Variants in CDC20B observed in about 807,000 individuals in gnomAD.
The protein encoded by CDC20B is cell division cycle protein 20 homolog B.
A neutral mutation model predicts 64.1 loss-of-function variants in CDC20B; 58 were observed. The observed-to-expected ratio is 0.90, with a 90% CI of 0.73 to 1.13. The LOEUF (loss-of-function observed/expected upper bound fraction) is 1.13. Ranked by LOEUF, CDC20B falls within the 50% of genes most tolerant of loss-of-function variation. The pLI, the probability that CDC20B is intolerant of heterozygous loss-of-function variation, is 0.00. For missense variants in CDC20B, 597 were observed against 633.0 expected, an observed-to-expected ratio of 0.94 and a Z score of 0.61; for synonymous variants, 243 against 230.6, an observed-to-expected ratio of 1.05 and a Z score of -0.49.
chr5:55,170,778 T>G (rs1262473972), intron 2 of CDC20B: 3 of 500,490 alleles, frequency 6.0e-6, no homozygotes, highest in Non-Finnish European at 1.3e-5. Flanking sequence ...TCACTGAGGC[T>G]AAATTTGTAA....
Position 55,119,914 on chromosome 5 carries a change from C to T in CDC20B, c.1346G>A (p.Cys449Tyr). 11 of 1,595,050 alleles carry T rather than the reference C, an allele frequency of 6.9e-6. No individual in the cohort carries two copies. Among genetic ancestry groups the T allele is most frequent in the Non-Finnish European group, 9.5e-6 (11 of 1,162,784 alleles). ...IQTPSTNSQI[C>Y]SLIWLPKTKE... Reference sequence around the variant, plus strand: ...TGTCTTAGGTAGCCAGATTAAGGAACAAATCTGTAATAATGATCAAAAATA... The same window carrying T: ...TGTCTTAGGTAGCCAGATTAAGGAATAAATCTGTAATAATGATCAAAAATA... Residue 449 changes from cysteine (C) to tyrosine (Y), a missense_variant, in exon 11 of 12, where the codon TGT becomes TAT. By Grantham distance (194) the Cys-to-Tyr change is radical. This residue lies in a region of CDC20B where 353 missense variants were observed against 397.0 expected (regional missense o/e 0.89). Transcript: ENST00000381375.
In CDC20B at chr5:55,143,535, T is replaced by C. The variant is rs777690639; in HGVS notation, c.464A>G (p.Glu155Gly). 6.2e-7 allele frequency: 1 copy of C among 1,604,182 alleles called. No individual in the cohort carries two copies. Among genetic ancestry groups the C allele is most frequent in the Non-Finnish European group, 8.5e-7 (1 of 1,175,362 alleles). The stretch of plus-strand genomic sequence containing the variant: ...TACCTGCCCTTTTGAGGCAACACTT[T>C]CTTTCCAGTCTCTGTCCATTGCATG... ...APHAMDRDWK[E>G]SVASKGQKCL... Residue 155 changes from glutamate to glycine, a missense_variant, in exon 4 of 12, where the codon GAA becomes GGA. Glu to Gly is a moderately conservative substitution (Grantham distance 98, BLOSUM62 -2). This residue lies in a region of CDC20B where 241 missense variants were observed against 219.2 expected (regional missense o/e 1.10). Transcript: ENST00000381375.
chr5:55,119,765 A>G lies in CDC20B; in HGVS notation c.1459+36T>C, dbSNP rs752577948. 4.3e-5 allele frequency: 54 copies of G among 1,269,224 alleles called. No homozygotes were observed. In the Middle Eastern group the frequency reaches 1.8e-3, roughly 43 times the overall value. The allele number at this position is 1,269,224 out of a possible 1,614,324, so 78.6% of individuals were successfully genotyped here. On this transcript the variant is annotated intron_variant, in intron 11 of 11. Coordinates refer to ENST00000381375, the MANE Select transcript of CDC20B (RefSeq NM_001170402.1). Reference sequence around the variant, plus strand: ...CCCCCCAACAACAGCTCACTTTGCTATAGGTGCATGGCATTTTACTCACCC... The same window carrying G: ...CCCCCCAACAACAGCTCACTTTGCTGTAGGTGCATGGCATTTTACTCACCC...
chr5:55,135,177 CTT>C (rs1361543382), intron 5 of CDC20B, among the ~76,000 whole-genome samples: 1 of 151,962 alleles, frequency 6.6e-6, no homozygotes, highest in South Asian at 2.1e-4. Context: ...TTCTGCCTAA[CTT>C]TGCTGTGAAC....
intron 2 of CDC20B, chr5:55,164,259 A>G (rs777780543): frequency 2.8e-6 from 4 of 1,422,772 alleles, no homozygotes; most frequent in Admixed American, 2.3e-5. Context: ...AAATGTCTCC[A>G]TGAGGGTTTG....
At chr5:55,117,377 T>C (rs1476328974) in intron 11 of CDC20B, among the ~76,000 whole-genome samples, 1 of 152,216 alleles carries the variant, frequency 6.6e-6, no homozygotes, top group East Asian at 1.9e-4. Context: ...CTATATTTTA[T>C]GTAGCAACCC....
intron 2 of CDC20B, chr5:55,160,363 A>G: frequency 6.2e-7 from 1 of 1,613,154 alleles, no homozygotes; most frequent in South Asian, 1.1e-5. Context: ...ATGCAAAAGG[A>G]AGAACTGTTT....
intron 2 of CDC20B, among the ~76,000 whole-genome samples, chr5:55,162,742 C>T (rs1023868258): frequency 6.6e-6 from 1 of 152,246 alleles, no homozygotes; most frequent in Admixed American, 6.5e-5. Context: ...TCTTCAGTTA[C>T]AGCAGCCAGA....
At chr5:55,153,261 AAAG>A (rs1348615107) in intron 2 of CDC20B, among the ~76,000 whole-genome samples, 1 of 151,524 alleles carries the variant, frequency 6.6e-6, no homozygotes, top group East Asian at 1.9e-4. Flanking sequence ...AAAAAAAAAA[AAAG>A]AACAATTTTC....
intron 2 of CDC20B, chr5:55,161,103 C>G (rs1316376828): frequency 4.3e-6 from 7 of 1,614,186 alleles, no homozygotes; most frequent in Non-Finnish European, 5.9e-6. Flanking sequence ...AGCGTGTTGG[C>G]TTTTCCCTGC....
intron 6 of CDC20B, among the ~76,000 whole-genome samples, chr5:55,131,938 C>A (rs1743042603): frequency 6.6e-6 from 1 of 151,948 alleles, no homozygotes; most frequent in African/African-American, 2.4e-5. Context: ...GGTGCACATG[C>A]CTGTAGCTAC....
chr5:55,148,031 G>A (rs908930210), intron 2 of CDC20B, among the ~76,000 whole-genome samples: 2 of 152,130 alleles, frequency 1.3e-5, no homozygotes, highest in African/African-American at 2.4e-5. Context: ...TGACAAACTG[G>A]AATTATCTTT....
intron 2 of CDC20B, chr5:55,160,496 G>T (rs1239321378): frequency 5.7e-5 from 48 of 841,236 alleles, no homozygotes; most frequent in Non-Finnish European, 8.9e-5. Flanking sequence ...GTCATAAGTT[G>T]GAATTTAGTC....
At chr5:55,138,575 G>A (rs1387015566) in intron 5 of CDC20B, among the ~76,000 whole-genome samples, 1 of 152,126 alleles carries the variant, frequency 6.6e-6, no homozygotes, top group East Asian at 1.9e-4. Flanking sequence ...TTTTCACTCT[G>A]AGAGAAGCCA....
At chr5:55,153,607 G>A (rs114100267) in intron 2 of CDC20B, among the ~76,000 whole-genome samples, 1,485 of 57,520 alleles carry the variant, frequency 0.026, 17 homozygotes, top group African/African-American at 0.084. Flanking sequence ...AAATCCCCCC[G>A]GGGTGGACTG....
chr5:55,143,795 G>T, intron 3 of CDC20B, 152 bp from the exon 4 acceptor site: 1 of 672,744 alleles, frequency 1.5e-6, no homozygotes, highest in Non-Finnish European at 2.4e-6. Flanking sequence ...GCAGGACAGA[G>T]TGAAAAAGCC....
chr5:55,157,807 C>T (rs1241463272), intron 2 of CDC20B, among the ~76,000 whole-genome samples: 1 of 152,224 alleles, frequency 6.6e-6, no homozygotes, highest in Non-Finnish European at 1.5e-5. Flanking sequence ...CCCTAGGGGG[C>T]CCTGCCTAAG....
chr5:55,140,438 T>C, intron 4 of CDC20B, 31 bp from the exon 5 acceptor site: 1 of 1,472,532 alleles, frequency 6.8e-7, no homozygotes, highest in East Asian at 2.3e-5. Flanking sequence ...GGAGAATATT[T>C]CTTTAAAAAC....
intron 3 of CDC20B, among the ~76,000 whole-genome samples, chr5:55,144,201 G>A (rs554422445): frequency 6.6e-6 from 1 of 152,100 alleles, no homozygotes; most frequent in East Asian, 1.9e-4. Context: ...CCTTTCTATT[G>A]CAGAAAGATG....
Sources: gnomAD v4.1 joint callset for allele counts (sites outside exome capture counted in the v4.1 genomes callset) on GRCh38, gnomAD v4.1.1 for gene constraint, gnomAD v4.1.1 regional missense constraint, MANE v1.5 for transcripts, NCBI Gene and HGNC (gene_info 2026-07-23, HGNC 2026-07-21) for gene names.